The following DLGAP4 variants were observed in gnomAD, a reference collection of about 807,000 sequenced individuals.
DLGAP4 encodes the protein disks large-associated protein 4.
DLGAP4 carries 18 observed loss-of-function variants against 86.9 expected under a neutral mutation model. The ratio of observed to expected loss-of-function variants is 0.21; its 90% CI spans 0.14 to 0.31. The LOEUF is 0.31. DLGAP4 is among the 10% of genes least tolerant of loss of function. The probability of loss-of-function intolerance (pLI) is 1.00; values close to 1 mark genes in which losing one functional copy is unlikely to be tolerated. For missense variants in DLGAP4, 1,085 were observed against 1,362.6 expected, an observed-to-expected ratio of 0.80 and a Z score of 3.21; for synonymous variants, 548 against 574.3, an observed-to-expected ratio of 0.95 and a Z score of 0.65.
rs1266210978 is a variant in DLGAP4 at position 36,431,567 on chromosome 20, G to A, written c.-72-79G>A. On this transcript the variant is annotated intron_variant, in intron 2 of 12. Coordinates refer to ENST00000339266, the MANE Select transcript of DLGAP4 (RefSeq NM_001365621.2). The surrounding 1 kb of genome is among the most constrained non-coding windows in gnomAD (Gnocchi z 5.1). Reference sequence around the variant, plus strand: ...GCTTCAGAGATCCTCCCAGCCTTGCGATCTGGATCTGACCTTCCCGGCACC... The same window carrying A: ...GCTTCAGAGATCCTCCCAGCCTTGCAATCTGGATCTGACCTTCCCGGCACC... 7.1e-6 allele frequency: 6 copies of A among 850,268 alleles called. No individual in the cohort carries two copies. Among genetic ancestry groups the A allele is most frequent in the South Asian group, 3.7e-5 (2 of 53,668 alleles). 52.7% of individuals were successfully genotyped at this position (850,268 alleles called of 1,614,324 possible).
At chr20:36,378,254 A>G (rs1453765387) in intron 2 of DLGAP4, among the ~76,000 whole-genome samples, 1 of 152,102 alleles carries the variant, frequency 6.6e-6, no homozygotes, top group East Asian at 1.9e-4. Flanking sequence ...CACCTCTCTG[A>G]GCCTCTTTTT....
intron 2 of DLGAP4, among the ~76,000 whole-genome samples, chr20:36,390,570 G>T (rs371656465): frequency 2.0e-5 from 3 of 152,018 alleles, no homozygotes; most frequent in East Asian, 1.9e-4. Context: ...AATCCTGAGT[G>T]GGGGGGCATG....
chr20:36,461,740 TCCGTCCGTCCGC>T lies in DLGAP4; in HGVS notation c.1648+14807_1648+14818del, dbSNP rs1259490106. On this transcript the variant is annotated intron_variant, in intron 7 of 12. Coordinates refer to ENST00000339266, the MANE Select transcript of DLGAP4 (RefSeq NM_001365621.2). Reference sequence around the variant, plus strand: ...CTCCTCCTCCCCGTCTGTCCGTCCGTCCGTCCGTCCGCCCGCCCGCCCGCCCGCCCGCGCTTC... The same window carrying T: ...CTCCTCCTCCCCGTCTGTCCGTCCGTCCGCCCGCCCGCCCGCCCGCGCTTC... 1.7e-5 allele frequency: 15 copies of T among 897,034 alleles called. No individual in the cohort carries two copies. The Admixed American group carries it at 3.5e-4, about 21-fold the overall frequency. 55.6% of individuals were successfully genotyped at this position (897,034 alleles called of 1,614,324 possible). A position where few individuals can be genotyped will look rare whatever the true frequency, so the allele number is the denominator to read the frequency against.
intron 4 of DLGAP4, among the ~76,000 whole-genome samples, chr20:36,437,403 G>A (rs1166162309): frequency 6.6e-6 from 1 of 152,176 alleles, no homozygotes; most frequent in African/African-American, 2.4e-5. Flanking sequence ...ACGGGATCTT[G>A]GTCTTCAGGT....
chr20:36,338,258 G>A (rs1005735667), intron 1 of DLGAP4, among the ~76,000 whole-genome samples: 2 of 152,182 alleles, frequency 1.3e-5, no homozygotes, highest in African/African-American at 2.4e-5. Flanking sequence ...GGAGGCTACT[G>A]GAATGGTAGT....
At chr20:36,352,095 C>T (rs1378395897) in intron 1 of DLGAP4, among the ~76,000 whole-genome samples, 1 of 152,110 alleles carries the variant, frequency 6.6e-6, no homozygotes, top group Non-Finnish European at 1.5e-5. Flanking sequence ...CCGGGTGATC[C>T]AGGGAAGAGT....
intron 2 of DLGAP4, among the ~76,000 whole-genome samples, chr20:36,385,994 G>A (rs896421060): frequency 7.9e-5 from 12 of 152,334 alleles, no homozygotes; most frequent in Middle Eastern, 3.4e-3. Context: ...CTAAAGCAGA[G>A]TGAAGAAGGA....
At chr20:36,394,739 TC>T (rs2031896541) in intron 2 of DLGAP4, among the ~76,000 whole-genome samples, 1 of 138,722 alleles carries the variant, frequency 7.2e-6, no homozygotes, top group Admixed American at 7.7e-5. Context: ...CTGCCTTGCC[TC>T]CCACGTTCAC....
Position 36,313,162 on chromosome 20 carries a change from C to G in DLGAP4, c.-304+6650C>G, listed in dbSNP as rs978236796. On this transcript the variant is annotated intron_variant, in intron 1 of 12. Transcript: ENST00000339266. ...CCAGCTCCTGTCATGGGGAGGGAGCCTTTCCTTCCCCCACTGCAGGCTGAC... is the reference window on the plus strand; with the variant it reads ...CCAGCTCCTGTCATGGGGAGGGAGCGTTTCCTTCCCCCACTGCAGGCTGAC... 4.7e-3 allele frequency among the ~76,000 whole-genome samples: 721 copies of G among 152,254 alleles called. 6 individuals carry two copies. Among genetic ancestry groups the G allele is most frequent in the African/African-American group, 0.017 (689 of 41,544 alleles).
At position 36,475,560 on chromosome 20, in the gene DLGAP4, C is replaced by T. The variant is rs1051847339; in HGVS notation, c.1649-21145C>T. ...TGTCCAAGATTCTATGATACTAACA[C>T]ATCCATTACTGCCTTTGTACACCTC... On this transcript the variant is annotated intron_variant, in intron 7 of 12. Coordinates refer to ENST00000339266, the MANE Select transcript of DLGAP4 (RefSeq NM_001365621.2). Among the ~76,000 whole-genome samples the T allele has an allele frequency of 2.6e-5, 4 of 152,320 alleles. No individual in the cohort carries two copies. The East Asian group carries it at 5.8e-4, about 22-fold the overall frequency.
chr20:36,462,541 C>T (rs766297368), intron 7 of DLGAP4: 1 of 1,601,958 alleles, frequency 6.2e-7, no homozygotes. Flanking sequence ...TGCCGGGTCT[C>T]TGGGTCTCTG....
chr20:36,414,893 T>C (rs2032609083), intron 2 of DLGAP4, among the ~76,000 whole-genome samples: 1 of 152,186 alleles, frequency 6.6e-6, no homozygotes, highest in Non-Finnish European at 1.5e-5. Context: ...AGAGTTGTGC[T>C]CTGGGAATGC....
chr20:36,499,790 T>G, intron 9 of DLGAP4, 114 bp downstream of exon 9: 4 of 800,480 alleles, frequency 5.0e-6, no homozygotes, highest in Admixed American at 2.8e-5. Flanking sequence ...ATAACCAAGC[T>G]GGGTTTGGGT....
intron 2 of DLGAP4, among the ~76,000 whole-genome samples, chr20:36,390,799 C>T (rs1345934553): frequency 1.3e-5 from 2 of 152,074 alleles, no homozygotes; most frequent in African/African-American, 4.8e-5. Context: ...GATCCCTATC[C>T]ACAGACTAAG....
At chr20:36,517,835 T>C (rs1476609025) in intron 10 of DLGAP4, among the ~76,000 whole-genome samples, 2 of 152,202 alleles carry the variant, frequency 1.3e-5, no homozygotes, top group African/African-American at 4.8e-5. Flanking sequence ...CTTGTAATCT[T>C]TCCTTTCTAT....
chr20:36,526,849 C>A lies in DLGAP4; in HGVS notation c.2797C>A (p.Pro933Thr). The stretch of plus-strand genomic sequence containing the variant: ...ACCACCCCCTCCGGTCCCAAAGAAG[C>A]CAGCCAAATCCAAGCCGGCAGTGAG... ...KKPPPPVPKKPAKSKPAVSRD... is the reference protein window; with the variant it reads ...KKPPPPVPKKTAKSKPAVSRD... The change falls in exon 13 of 13, where the codon CCA becomes ACA. Residue 933 changes from proline (P) to threonine (T), a missense_variant. Transcript: ENST00000339266. 3.7e-6 allele frequency: 6 copies of A among 1,611,522 alleles called. No homozygotes were observed. Among genetic ancestry groups the A allele is most frequent in the Non-Finnish European group, 5.1e-6 (6 of 1,179,378 alleles).
intron 1 of DLGAP4, among the ~76,000 whole-genome samples, chr20:36,357,203 C>G (rs1380625371): frequency 1.3e-5 from 2 of 152,190 alleles, no homozygotes; most frequent in Non-Finnish European, 2.9e-5. Context: ...CGTCCTCCCC[C>G]AGAGCACACA....
At chr20:36,462,490 C>T in intron 7 of DLGAP4, 3 of 1,590,776 alleles carry the variant, frequency 1.9e-6, no homozygotes, top group African/African-American at 1.4e-5. Flanking sequence ...CCTGTCTCCC[C>T]TTCTCTCTGC....
At chr20:36,472,469 C>T (rs1187923414) in intron 7 of DLGAP4, among the ~76,000 whole-genome samples, 2 of 145,770 alleles carry the variant, frequency 1.4e-5, no homozygotes, top group African/African-American at 5.2e-5. Context: ...CCACTGCACT[C>T]TAGCCTGGGT....
Sources: gnomAD v4.1 joint callset for allele counts (sites outside exome capture counted in the v4.1 genomes callset) on GRCh38, gnomAD v4.1.1 for gene constraint, Gnocchi (gnomAD v3.1) non-coding constraint, MANE v1.5 for transcripts, NCBI Gene and HGNC (gene_info 2026-07-23, HGNC 2026-07-21) for gene names.